The following GET3 variants were observed in gnomAD, a reference collection of about 807,000 sequenced individuals.
The protein encoded by GET3 is ATPase GET3.
A neutral mutation model predicts 32.4 loss-of-function variants in GET3; 15 were observed. The observed-to-expected ratio is 0.46, with a 90% CI of 0.31 to 0.71. The LOEUF (loss-of-function observed/expected upper bound fraction) is 0.71, where lower values mean the gene tolerates loss of function less well. Among genes scored for constraint, GET3 ranks in the 30% least tolerant of loss-of-function variants. GET3 has a pLI of 0.05. For synonymous variants in GET3, 198 were observed against 185.6 expected, an observed-to-expected ratio of 1.07 and a Z score of -0.54; for missense variants, 333 against 459.0, an observed-to-expected ratio of 0.73 and a Z score of 2.51.
rs538892317 is a variant in GET3, at chr19:12,745,761, C to A, written c.609+2C>A. On this transcript the variant is annotated splice_donor_variant, in intron 4 of 6. Transcript: ENST00000357332. LOFTEE classifies it high-confidence loss of function. This position sits in a 1 kb window ranked among gnomAD's most constrained non-coding sequence, Gnocchi z 5.0. ...CAGATCAGCCCTTTCATCTCACAGG[C>A]AGGCGGCGGGGGCCCCCACCTGCAC... The A allele has an allele frequency of 1.9e-6, 3 of 1,602,346 alleles. No homozygotes were observed. Among genetic ancestry groups the A allele is most frequent in the African/African-American group, 2.7e-5 (2 of 74,932 alleles).
chr19:12,743,973 T>C (rs1267816480), intron 2 of GET3, among the ~76,000 whole-genome samples: 1 of 143,450 alleles, frequency 7.0e-6, no homozygotes, highest in African/African-American at 2.6e-5. Context: ...TCAGGTGATC[T>C]GCCTGCCTCG....
In GET3 at chr19:12,747,180, C is replaced by T; in HGVS notation, c.610-17C>T. 1 of 1,569,068 alleles carries T rather than the reference C, an allele frequency of 6.4e-7. No homozygotes were observed. The highest frequency in any genetic ancestry group is 8.6e-7 in the Non-Finnish European group (1 of 1,156,530). Reference sequence around the variant, plus strand: ...CGCCGCAGGTAAGCTATGAGCCCTCCCACATCCCCCCTGCAGATGTGCAAC... The same window carrying T: ...CGCCGCAGGTAAGCTATGAGCCCTCTCACATCCCCCCTGCAGATGTGCAAC... On this transcript the variant is annotated splice_polypyrimidine_tract_variant and intron_variant, in intron 4 of 6. Coordinates refer to ENST00000357332, the MANE Select transcript of GET3 (RefSeq NM_004317.4). This position sits in a 1 kb window ranked among gnomAD's most constrained non-coding sequence, Gnocchi z 4.0.
intron 2 of GET3, among the ~76,000 whole-genome samples, chr19:12,744,043 CA>C (rs753666928): frequency 0.06 from 2,864 of 47,842 alleles, 88 homozygotes; most frequent in African/African-American, 0.18. Flanking sequence ...GACTCCATCT[CA>C]AAAAAAAAAA....
At chr19:12,741,247 G>A (rs1967661932) in intron 2 of GET3, among the ~76,000 whole-genome samples, 1 of 151,764 alleles carries the variant, frequency 6.6e-6, no homozygotes, top group Admixed American at 6.6e-5. Context: ...ACAAAGTCAG[G>A]AGATTGAGAC....
intron 2 of GET3, among the ~76,000 whole-genome samples, chr19:12,743,932 T>G (rs1433429445): frequency 6.9e-6 from 1 of 145,884 alleles, no homozygotes. Flanking sequence ...GGTTTCACCG[T>G]GTTAGCCAGG....
In GET3 at chr19:12,747,437, T is replaced by C; in HGVS notation, c.760T>C (p.Ser254Pro). The change falls in exon 6 of 7, where the codon TCC becomes CCC. Residue 254 changes from serine to proline, a missense_variant. Physicochemically the swap from Ser to Pro is moderately conservative, Grantham distance 74. Coordinates refer to ENST00000357332, the MANE Select transcript of GET3 (RefSeq NM_004317.4). This position sits in a 1 kb window ranked among gnomAD's most constrained non-coding sequence, Gnocchi z 4.0. ...CTGCGTATGCATTGCTGAGTTCCTG[T>C]CCCTGTATGAGACAGAGAGGCTGAT... ...FICVCIAEFL[S>P]LYETERLIQE... 3.1e-6 allele frequency: 5 copies of C among 1,613,988 alleles called. No individual in the cohort carries two copies. The highest frequency in any genetic ancestry group is 3.4e-6 in the Non-Finnish European group (4 of 1,179,988).
At chr19:12,737,428 C>G, upstream of GET3, 1 of 1,372,740 alleles carries the variant, frequency 7.3e-7, no homozygotes, top group Non-Finnish European at 9.4e-7. Flanking sequence ...CCTAGCTTCG[C>G]TAGGAATGTG....
intron 1 of GET3, among the ~76,000 whole-genome samples, chr19:12,738,075 G>A (rs1452148600): frequency 6.6e-6 from 1 of 152,154 alleles, no homozygotes; most frequent in Non-Finnish European, 1.5e-5. Context: ...CACGTGATGA[G>A]ACTGTCCCAG....
Position 12,747,733 on chromosome 19 carries a change from G to A in GET3, c.915+141G>A, listed in dbSNP as rs148355541. 64 of 1,229,706 alleles carry A rather than the reference G, an allele frequency of 5.2e-5. No individual in the cohort carries two copies. The highest frequency in any genetic ancestry group is 2.1e-4 in the Admixed American group (9 of 42,562). 76.2% of individuals were successfully genotyped at this position (1,229,706 alleles called of 1,614,324 possible). On this transcript the variant is annotated intron_variant, in intron 6 of 6. Transcript: ENST00000357332. This position sits in a 1 kb window ranked among gnomAD's most constrained non-coding sequence, Gnocchi z 4.0. ...ATTTCAGATCCTTCACCCTTATTCC[G>A]GCCATAGAGGACTGTGGCTGGCCTG...
In GET3 at chr19:12,748,224, G is replaced by A. The variant is rs945015189; in HGVS notation, c.*120G>A. On this transcript the variant is annotated 3_prime_UTR_variant, in exon 7 of 7. Transcript: ENST00000357332. ...ACAGGGGGAGCCACTTGGGCAGGAG[G>A]CAGGGAGGGGTCCATTCCCCCTGGT... 3 of 996,662 alleles carry A rather than the reference G, an allele frequency of 3.0e-6. No individual in the cohort carries two copies. The highest frequency in any genetic ancestry group is 3.3e-5 in the Admixed American group (1 of 30,478). 61.7% of individuals were successfully genotyped at this position (996,662 alleles called of 1,614,324 possible).
Position 12,748,125 on chromosome 19 carries a change from G to T in GET3, c.*21G>T, listed in dbSNP as rs776516303. The T allele has an allele frequency of 1.9e-6, 3 of 1,558,972 alleles. No homozygotes were observed. The highest frequency in any genetic ancestry group is 1.4e-5 in the African/African-American group (1 of 73,852). On this transcript the variant is annotated 3_prime_UTR_variant, in exon 7 of 7. Coordinates refer to ENST00000357332, the MANE Select transcript of GET3 (RefSeq NM_004317.4). The stretch of plus-strand genomic sequence containing the variant: ...AGTAGCACAGCTGCCAGCCCCAACC[G>T]CTGCCATTTCACACTCACCCTCCAC...
At chr19:12,743,500 G>C (rs1242013885) in intron 2 of GET3, among the ~76,000 whole-genome samples, 1 of 150,120 alleles carries the variant, frequency 6.7e-6, no homozygotes, top group Non-Finnish European at 1.5e-5. Flanking sequence ...ACAAAAATTA[G>C]CCAGGCATGG....
Position 12,748,122 on chromosome 19 carries a change from A to G in GET3, c.*18A>G. 1 of 1,561,202 alleles carries G rather than the reference A, an allele frequency of 6.4e-7. No individual in the cohort carries two copies. The highest frequency in any genetic ancestry group is 1.4e-5 in the African/African-American group (1 of 73,890). ...CCCAGTAGCACAGCTGCCAGCCCCA[A>G]CCGCTGCCATTTCACACTCACCCTC... On this transcript the variant is annotated 3_prime_UTR_variant, in exon 7 of 7. Coordinates refer to ENST00000357332, the MANE Select transcript of GET3 (RefSeq NM_004317.4).
chr19:12,737,845 C>G (rs1189235948), intron 1 of GET3, among the ~76,000 whole-genome samples, 179 bp downstream of exon 1: 3 of 152,158 alleles, frequency 2.0e-5, no homozygotes, highest in African/African-American at 4.8e-5. Flanking sequence ...CCCTAGCACC[C>G]TCTGAGTTGG....
chr19:12,737,790 C>T (rs1967601520), intron 1 of GET3, 124 bp downstream of exon 1: 1 of 1,317,712 alleles, frequency 7.6e-7, no homozygotes, highest in Non-Finnish European at 1.0e-6. Context: ...TTGGGTTTCA[C>T]TCTCTGGAAG....
At chr19:12,743,526 C>T (rs1033781941) in intron 2 of GET3, among the ~76,000 whole-genome samples, 4 of 149,734 alleles carry the variant, frequency 2.7e-5, no homozygotes, top group Admixed American at 2.0e-4. Context: ...CGTGATGGCT[C>T]GTGCCTGTAA....
chr19:12,741,260 G>T (rs187725989), intron 2 of GET3, among the ~76,000 whole-genome samples: 2 of 150,962 alleles, frequency 1.3e-5, no homozygotes, highest in African/African-American at 2.4e-5. Context: ...ATTGAGACCA[G>T]CCTGGCTAAC....
At chr19:12,741,619 C>G (rs919194184) in intron 2 of GET3, among the ~76,000 whole-genome samples, 3 of 151,848 alleles carry the variant, frequency 2.0e-5, no homozygotes, top group Non-Finnish European at 4.4e-5. Flanking sequence ...ATTAGCCTTG[C>G]GTGGTGGCCG....
chr19:12,743,914 A>G (rs1258271036), intron 2 of GET3, among the ~76,000 whole-genome samples: 1 of 146,460 alleles, frequency 6.8e-6, no homozygotes, highest in Non-Finnish European at 1.5e-5. Context: ...TATTTTTAGT[A>G]GAGACGGGGT....
Sources: allele counts gnomAD v4.1 joint callset (sites outside exome capture counted in the v4.1 genomes callset), GRCh38; gene constraint gnomAD v4.1.1; non-coding constraint Gnocchi (gnomAD v3.1); transcripts MANE v1.5; gene names NCBI Gene and HGNC (gene_info 2026-07-23, HGNC 2026-07-21).